Variants in SPECC1L observed in about 807,000 individuals in gnomAD.
SPECC1L encodes the protein cytospin-A.
Under a neutral mutation model 116.8 loss-of-function variants are expected in SPECC1L, and 40 were observed. The ratio of observed to expected loss-of-function variants is 0.34; its 90% confidence interval spans 0.27 to 0.45. The LOEUF (loss-of-function observed/expected upper bound fraction) is 0.45, where lower values mean the gene tolerates loss of function less well. Ranked by LOEUF, SPECC1L falls within the 20% of genes least tolerant of loss-of-function variation. The probability of loss-of-function intolerance (pLI) is 1.00; values close to 1 mark genes in which losing one functional copy is unlikely to be tolerated. For synonymous variants in SPECC1L, 504 were observed against 500.6 expected, an observed-to-expected ratio of 1.01 and a Z score of -0.09; for missense variants, 1,110 against 1,373.6, an observed-to-expected ratio of 0.81 and a Z score of 3.03.
At chr22:24,295,228 G>A (rs2049235922) in intron 2 of SPECC1L, among the ~76,000 whole-genome samples, 1 of 151,038 alleles carries the variant, frequency 6.6e-6, no homozygotes, top group South Asian at 2.1e-4. Flanking sequence ...AGTGGTTTGT[G>A]TCTTCACTCA....
chr22:24,322,960 C>T (rs749062230), intron 5 of SPECC1L, 42 bp downstream of exon 5: 4 of 1,611,006 alleles, frequency 2.5e-6, no homozygotes, highest in Non-Finnish European at 3.4e-6. Flanking sequence ...CAGCATTAGG[C>T]AGCTGCCATG....
intron 2 of SPECC1L, among the ~76,000 whole-genome samples, chr22:24,282,692 T>C (rs181965834): frequency 1.0e-3 from 158 of 152,304 alleles, no homozygotes; most frequent in African/African-American, 3.7e-3. Context: ...TGTTGGGTTT[T>C]GTTTAGTGTT....
chr22:24,361,759 G>A (rs1000807407), intron 11 of SPECC1L, among the ~76,000 whole-genome samples: 11 of 151,986 alleles, frequency 7.2e-5, no homozygotes, highest in Non-Finnish European at 1.0e-4. Context: ...TTGCACCACT[G>A]CACTTCAGCC....
intron 14 of SPECC1L, among the ~76,000 whole-genome samples, chr22:24,399,133 C>T (rs1345879231): frequency 6.6e-6 from 1 of 152,156 alleles, no homozygotes; most frequent in Non-Finnish European, 1.5e-5. Flanking sequence ...AGAAAGCAGA[C>T]ATCATGATTC....
chr22:24,314,811 G>A (rs2040529814), intron 4 of SPECC1L, among the ~76,000 whole-genome samples: 2 of 152,210 alleles, frequency 1.3e-5, no homozygotes, highest in African/African-American at 4.8e-5. Flanking sequence ...CATAGGTGGT[G>A]GTGTGTCCAC....
intron 2 of SPECC1L, among the ~76,000 whole-genome samples, chr22:24,288,265 T>TG (rs2049083037): frequency 6.6e-6 from 1 of 152,166 alleles, no homozygotes; most frequent in Non-Finnish European, 1.5e-5. Flanking sequence ...TTCTTTGTCG[T>TG]GGGGGGCTGT....
Position 24,322,599 on chromosome 22 carries a change from G to A in SPECC1L, c.1619G>A (p.Arg540His), listed in dbSNP as rs140698674. Reference protein sequence around the residue: ...AQEMIGALKERSHHMERIIES... With the variant: ...AQEMIGALKEHSHHMERIIES... ...GAAATGATAGGGGCACTCAAAGAAC[G>A]CAGTCACCATATGGAGCGAATTATT... Residue 540 changes from arginine to histidine, a missense_variant, in exon 5 of 17, where the codon CGC becomes CAC. Arg to His is a conservative substitution (Grantham distance 29). Transcript: ENST00000314328. The A allele has an allele frequency of 3.9e-5, 63 of 1,614,056 alleles. No individual in the cohort carries two copies. Among genetic ancestry groups the A allele is most frequent in the Non-Finnish European group, 4.8e-5 (57 of 1,180,028 alleles).
intron 14 of SPECC1L, among the ~76,000 whole-genome samples, chr22:24,375,353 C>T (rs2041951424): frequency 6.6e-6 from 1 of 151,896 alleles, no homozygotes; most frequent in Non-Finnish European, 1.5e-5. Context: ...ATACCAAAAA[C>T]GGAAAAAGAT....
At chr22:24,358,320 C>T (rs2041573649) in intron 11 of SPECC1L, among the ~76,000 whole-genome samples, 1 of 151,930 alleles carries the variant, frequency 6.6e-6, no homozygotes, top group South Asian at 2.1e-4. Flanking sequence ...GTTGCCCAGG[C>T]TGGTCTTAAA....
At chr22:24,314,812 G>C (rs2040529866) in intron 4 of SPECC1L, among the ~76,000 whole-genome samples, 1 of 152,246 alleles carries the variant, frequency 6.6e-6, no homozygotes, top group Non-Finnish European at 1.5e-5. Flanking sequence ...ATAGGTGGTG[G>C]TGTGTCCACC....
intron 10 of SPECC1L, among the ~76,000 whole-genome samples, chr22:24,344,177 T>A (rs1323083631): frequency 1.3e-5 from 2 of 152,136 alleles, no homozygotes; most frequent in African/African-American, 2.4e-5. Context: ...GGCTAGCCAG[T>A]ATTCCTCATG....
At chr22:24,382,158 T>TA in intron 14 of SPECC1L, among the ~76,000 whole-genome samples, 1 of 152,212 alleles carries the variant, frequency 6.6e-6, no homozygotes. Context: ...CATTGGGGAC[T>TA]AACCAAGGCA....
intron 11 of SPECC1L, among the ~76,000 whole-genome samples, chr22:24,352,660 G>C (rs1055638635): frequency 6.6e-6 from 1 of 152,128 alleles, no homozygotes; most frequent in Non-Finnish European, 1.5e-5. Context: ...ATCAGATTCT[G>C]CCTCAGCTTT....
At chr22:24,334,013 T>TG (rs1470387107) in intron 8 of SPECC1L, among the ~76,000 whole-genome samples, 4 of 147,020 alleles carry the variant, frequency 2.7e-5, no homozygotes, top group African/African-American at 8.0e-5. Context: ...AGTTTTTTGT[T>TG]GTTTTTTTTT....
chr22:24,389,211 G>C (rs1229349700), intron 14 of SPECC1L, among the ~76,000 whole-genome samples: 1 of 150,762 alleles, frequency 6.6e-6, no homozygotes, highest in Non-Finnish European at 1.5e-5. Context: ...CTGCCTCCTG[G>C]GTTCAAGCGA....
chr22:24,325,545 T>TTATG (rs1029627252), intron 6 of SPECC1L, among the ~76,000 whole-genome samples: 30 of 87,582 alleles, frequency 3.4e-4, no homozygotes, highest in African/African-American at 1.1e-3. Flanking sequence ...ATGGATTTAT[T>TTATG]TATTTATTTA....
chr22:24,290,689 C>G, intron 2 of SPECC1L, among the ~76,000 whole-genome samples: 1 of 152,156 alleles, frequency 6.6e-6, no homozygotes, highest in East Asian at 1.9e-4. Flanking sequence ...AGTTTTTTGA[C>G]ATGACAAGGC....
chr22:24,314,116 C>T (rs1426032161), intron 4 of SPECC1L, among the ~76,000 whole-genome samples: 1 of 152,094 alleles, frequency 6.6e-6, no homozygotes, highest in African/African-American at 2.4e-5. Flanking sequence ...ATGATCTCAG[C>T]TAACTGCAAG....
chr22:24,404,694 C>A (rs1024249686), intron 14 of SPECC1L, among the ~76,000 whole-genome samples: 6 of 152,194 alleles, frequency 3.9e-5, no homozygotes, highest in African/African-American at 2.4e-5. Flanking sequence ...TGTTCTGACC[C>A]CAGTCCAGCC....
Sources: allele counts gnomAD v4.1 joint callset (sites outside exome capture counted in the v4.1 genomes callset), GRCh38; gene constraint gnomAD v4.1.1; transcripts MANE v1.5; gene names NCBI Gene and HGNC (gene_info 2026-07-23, HGNC 2026-07-21).